SLC35F1: variants seen among roughly 807,000 people sequenced by gnomAD.
SLC35F1 encodes solute carrier family 35 member F1.
A neutral mutation model predicts 48.7 loss-of-function variants in SLC35F1; 14 were observed. That is an observed-to-expected ratio of 0.29 (90% CI 0.19 to 0.45). The LOEUF is 0.45. Ranked by LOEUF, SLC35F1 falls within the 20% of genes least tolerant of loss-of-function variation. The probability of loss-of-function intolerance (pLI) is 1.00; values close to 1 mark genes in which losing one functional copy is unlikely to be tolerated. For missense variants in SLC35F1, 404 were observed against 500.0 expected, an observed-to-expected ratio of 0.81 and a Z score of 1.83; for synonymous variants, 190 against 202.2, an observed-to-expected ratio of 0.94 and a Z score of 0.51.
At chr6:117,968,545 A>G (rs1358658700) in intron 1 of SLC35F1, among the ~76,000 whole-genome samples, 1 of 152,196 alleles carries the variant, frequency 6.6e-6, no homozygotes, top group African/African-American at 2.4e-5. Flanking sequence ...AACTATTTTT[A>G]TACAAATTGT....
chr6:118,189,462 A>T (rs147767729), intron 2 of SLC35F1, among the ~76,000 whole-genome samples: 101 of 152,258 alleles, frequency 6.6e-4, no homozygotes, highest in Non-Finnish European at 4.4e-5. Flanking sequence ...TCAGATTATT[A>T]TTATCATTTT....
intron 2 of SLC35F1, among the ~76,000 whole-genome samples, chr6:118,223,353 GACACTTTACAT>G (rs112918921): frequency 0.29 from 44,400 of 151,870 alleles, 7,484 homozygotes; most frequent in East Asian, 0.62. Context: ...CTGCGAGCCA[GACACTTTACAT>G]ACACTTTTTT....
intron 1 of SLC35F1, among the ~76,000 whole-genome samples, chr6:118,102,309 G>A (rs1303625589): frequency 1.3e-5 from 2 of 151,858 alleles, no homozygotes; most frequent in Non-Finnish European, 2.9e-5. Context: ...TCAGCCTCCC[G>A]AGTAGCTGGG....
At chr6:117,974,113 A>G (rs1163899969) in intron 1 of SLC35F1, among the ~76,000 whole-genome samples, 1 of 152,136 alleles carries the variant, frequency 6.6e-6, no homozygotes, top group Non-Finnish European at 1.5e-5. Context: ...TAATCTCTCT[A>G]TGCCCCAGTT....
At chr6:118,152,918 G>A (rs1774084085) in intron 1 of SLC35F1, among the ~76,000 whole-genome samples, 1 of 152,124 alleles carries the variant, frequency 6.6e-6, no homozygotes, top group Non-Finnish European at 1.5e-5. Flanking sequence ...TTTAAACATG[G>A]ATGTTTAAAA....
chr6:118,255,772 G>C (rs996994409), intron 3 of SLC35F1, among the ~76,000 whole-genome samples: 6 of 152,284 alleles, frequency 3.9e-5, no homozygotes, highest in Admixed American at 1.3e-4. Context: ...AAAAAATAGG[G>C]TATTTCCTGG....
At chr6:118,183,594 A>G (rs574650774) in intron 2 of SLC35F1, among the ~76,000 whole-genome samples, 2 of 152,290 alleles carry the variant, frequency 1.3e-5, no homozygotes, top group South Asian at 2.1e-4. Flanking sequence ...TCAATACTCA[A>G]TGGTGACCAT....
At chr6:118,156,338 A>G (rs1163159832) in intron 2 of SLC35F1, among the ~76,000 whole-genome samples, 2 of 152,156 alleles carry the variant, frequency 1.3e-5, no homozygotes, top group Admixed American at 6.5e-5. Flanking sequence ...GCCTGAGAAC[A>G]TGTGCCCAAG....
At chr6:118,190,495 TA>T (rs1263142325) in intron 2 of SLC35F1, among the ~76,000 whole-genome samples, 6 of 152,148 alleles carry the variant, frequency 3.9e-5, no homozygotes, top group East Asian at 3.9e-4. Context: ...GAGTATGATT[TA>T]AAAAAACTTG....
chr6:118,208,109 A>G (rs374690458), intron 2 of SLC35F1, among the ~76,000 whole-genome samples: 226 of 132,336 alleles, frequency 1.7e-3, no homozygotes, highest in East Asian at 0.011. Context: ...ACGCACACAC[A>G]CGCGCGCGCG....
At chr6:118,275,311 C>A (rs899858655) in intron 4 of SLC35F1, 148 bp from the exon 5 acceptor site, 2 of 860,620 alleles carry the variant, frequency 2.3e-6, no homozygotes, top group Non-Finnish European at 3.5e-6. Flanking sequence ...CACAGATAAA[C>A]TTTACTAAAT....
chr6:118,220,866 C>T (rs1175219871), intron 2 of SLC35F1, among the ~76,000 whole-genome samples: 4 of 152,256 alleles, frequency 2.6e-5, no homozygotes, highest in East Asian at 1.9e-4. Flanking sequence ...TTGGCATTGT[C>T]GAATGCCTTC....
intron 2 of SLC35F1, among the ~76,000 whole-genome samples, chr6:118,164,436 A>C (rs555675450): frequency 1.3e-5 from 2 of 152,318 alleles, no homozygotes; most frequent in African/African-American, 4.8e-5. Context: ...AACAATTAGG[A>C]TCTGGGCTTT....
chr6:118,177,249 C>T (rs1174278343), intron 2 of SLC35F1, among the ~76,000 whole-genome samples: 2 of 152,062 alleles, frequency 1.3e-5, no homozygotes, highest in Admixed American at 6.6e-5. Context: ...TCTCTTCACA[C>T]TTCCTAAAAA....
intron 2 of SLC35F1, among the ~76,000 whole-genome samples, chr6:118,191,326 A>G (rs1354789996): frequency 6.6e-6 from 1 of 152,234 alleles, no homozygotes; most frequent in Non-Finnish European, 1.5e-5. Flanking sequence ...ATACAAAAGT[A>G]TCCCATAAGT....
At chr6:118,104,540 A>G (rs921517441) in intron 1 of SLC35F1, among the ~76,000 whole-genome samples, 1 of 152,208 alleles carries the variant, frequency 6.6e-6, no homozygotes, top group Non-Finnish European at 1.5e-5. Flanking sequence ...TATTAATATT[A>G]TTCTTGATAA....
rs1292101303 is a variant in SLC35F1 at position 118,199,999 on chromosome 6, G to T, written c.350-35510G>T. Among the ~76,000 whole-genome samples, 3 of 152,018 alleles carry T rather than the reference G, an allele frequency of 2.0e-5. No individual in the cohort carries two copies. The East Asian group carries it at 5.8e-4, about 29-fold the overall frequency. ...TAAATTGCTAGAAATGTGATGACTG[G>T]GTCAAAGAGTAGGCAGTTTTGGGCT... On this transcript the variant is annotated intron_variant, in intron 2 of 7. Coordinates refer to ENST00000360388, the MANE Select transcript of SLC35F1 (RefSeq NM_001029858.4).
chr6:118,102,446 G>T (rs1212833424), intron 1 of SLC35F1, among the ~76,000 whole-genome samples: 2 of 152,126 alleles, frequency 1.3e-5, no homozygotes, highest in East Asian at 3.9e-4. Context: ...GGACTCCTTG[G>T]CTGGGATTAT....
intron 1 of SLC35F1, among the ~76,000 whole-genome samples, chr6:117,908,261 A>T (rs868159298): frequency 1.2e-4 from 18 of 151,280 alleles, no homozygotes; most frequent in South Asian, 2.1e-4. Flanking sequence ...GGTCGGGGGG[A>T]CGCGGGGACC....
Sources: allele counts gnomAD v4.1 joint callset (sites outside exome capture counted in the v4.1 genomes callset), GRCh38; gene constraint gnomAD v4.1.1; transcripts MANE v1.5; gene names NCBI Gene and HGNC (gene_info 2026-07-23, HGNC 2026-07-21).